Variants in SNX13 observed in about 807,000 individuals in gnomAD.
SNX13 encodes the protein sorting nexin-13.
Under a neutral mutation model 133.6 loss-of-function variants are expected in SNX13, and 45 were observed. The observed-to-expected ratio is 0.34, with a 90% CI of 0.27 to 0.43. The LOEUF is 0.43. Ranked by LOEUF, SNX13 falls within the 20% of genes least tolerant of loss-of-function variation. The pLI, the probability that SNX13 is intolerant of heterozygous loss-of-function variation, is 1.00. For synonymous variants in SNX13, 414 were observed against 373.9 expected, an observed-to-expected ratio of 1.11 and a Z score of -1.24; for missense variants, 1,032 against 1,145.1, an observed-to-expected ratio of 0.90 and a Z score of 1.43.
intron 1 of SNX13, among the ~76,000 whole-genome samples, chr7:17,905,191 T>C (rs979756464): frequency 6.6e-6 from 1 of 152,198 alleles, no homozygotes; most frequent in African/African-American, 2.4e-5. Context: ...TGAAACTAAG[T>C]AATGAGCCTT....
chr7:17,798,847 C>T, intron 23 of SNX13, 89 bp from the exon 24 acceptor site: 1 of 1,233,012 alleles, frequency 8.1e-7, no homozygotes, highest in Non-Finnish European at 1.1e-6. Flanking sequence ...GCAACTTAAT[C>T]TGGATGTAAA....
chr7:17,853,970 AAAAAG>A lies in SNX13; in HGVS notation c.838-3011_838-3007del, dbSNP rs939036383. Among the ~76,000 whole-genome samples, 596 of 152,194 alleles carry A rather than the reference AAAAAG, an allele frequency of 3.9e-3. 4 individuals are homozygous for A. Among genetic ancestry groups the A allele is most frequent in the African/African-American group, 0.013 (543 of 41,550 alleles). On this transcript the variant is annotated intron_variant, in intron 9 of 25. Transcript: ENST00000428135. Reference sequence around the variant, plus strand: ...AAAAATAAAAAAAGAAAAAAAAAGAAAAAAGAAAAGAAAATTGGCAATACACAGAA... The same window carrying A: ...AAAAATAAAAAAAGAAAAAAAAAGAAAAAAGAAAATTGGCAATACACAGAA...
chr7:17,868,175 G>C (rs1793629707), intron 9 of SNX13: 1 of 439,158 alleles, frequency 2.3e-6, no homozygotes, highest in Admixed American at 4.2e-5. Context: ...TAAAGAAATA[G>C]TAGTAGCACC....
At chr7:17,918,800 C>G (rs949878523) in intron 1 of SNX13, among the ~76,000 whole-genome samples, 3 of 152,174 alleles carry the variant, frequency 2.0e-5, no homozygotes, top group African/African-American at 4.8e-5. Flanking sequence ...GTAATCTGCA[C>G]TCATATGTTT....
intron 6 of SNX13, 39 bp from the exon 7 acceptor site, chr7:17,875,620 G>A (rs1324564240): frequency 3.1e-6 from 5 of 1,607,148 alleles, no homozygotes; most frequent in Non-Finnish European, 3.4e-6. Flanking sequence ...AATGATGAAA[G>A]GAAAACAGAT....
intron 7 of SNX13, among the ~76,000 whole-genome samples, chr7:17,874,673 C>T (rs1794505480): frequency 6.6e-6 from 1 of 152,140 alleles, no homozygotes; most frequent in Admixed American, 6.5e-5. Flanking sequence ...ATAGTTGTTC[C>T]TATGCTGACA....
chr7:17,929,991 A>C (rs1226410305), intron 1 of SNX13, among the ~76,000 whole-genome samples: 2 of 152,200 alleles, frequency 1.3e-5, no homozygotes, highest in East Asian at 3.8e-4. Flanking sequence ...ATCAAAGAAC[A>C]CTAAAACAAC....
intron 22 of SNX13, among the ~76,000 whole-genome samples, chr7:17,799,514 T>A (rs142220378): frequency 0.018 from 2,699 of 151,916 alleles, 85 homozygotes; most frequent in African/African-American, 0.062. Flanking sequence ...TTCTGATGCA[T>A]CTTTTTCACA....
At chr7:17,853,378 C>T (rs191385229) in intron 9 of SNX13, among the ~76,000 whole-genome samples, 371 of 152,122 alleles carry the variant, frequency 2.4e-3, no homozygotes, top group Non-Finnish European at 3.6e-3. Context: ...TAATAGACTT[C>T]GGATGTTATC....
intron 2 of SNX13, among the ~76,000 whole-genome samples, chr7:17,896,799 T>C (rs984006772): frequency 6.6e-6 from 1 of 152,096 alleles, no homozygotes. Flanking sequence ...CTGAAACCTC[T>C]CTTGTAAAGG....
chr7:17,909,562 G>A (rs1189809655), intron 1 of SNX13, among the ~76,000 whole-genome samples: 1 of 152,200 alleles, frequency 6.6e-6, no homozygotes, highest in East Asian at 1.9e-4. Flanking sequence ...TCCTTTGTAG[G>A]GACATGGGTC....
At position 17,793,382 on chromosome 7, in the gene SNX13, A is replaced by C. The variant is rs1783731337; in HGVS notation, c.*663T>G. 6.6e-6 allele frequency: 1 copy of C among 151,966 alleles called. No homozygotes were observed. The highest frequency in any genetic ancestry group is 2.4e-5 in the African/African-American group (1 of 41,408). 9.4% of individuals were successfully genotyped at this position (151,966 alleles called of 1,614,324 possible). A position where few individuals can be genotyped will look rare whatever the true frequency, so the allele number is the denominator to read the frequency against. ...GCCCTTAAAGCACACATAAGAATAA[A>C]AATTGTTGTATACCAATGAATAACA... On this transcript the variant is annotated 3_prime_UTR_variant, in exon 26 of 26. Coordinates refer to ENST00000428135, the MANE Select transcript of SNX13 (RefSeq NM_015132.5).
chr7:17,874,356 C>T (rs1794457187), intron 7 of SNX13, among the ~76,000 whole-genome samples: 1 of 152,088 alleles, frequency 6.6e-6, no homozygotes, highest in Non-Finnish European at 1.5e-5. Context: ...ATGTGTTAAT[C>T]AATTGTTTAC....
At chr7:17,845,410 A>G (rs1292638961) in intron 12 of SNX13, among the ~76,000 whole-genome samples, 185 bp downstream of exon 12, 1 of 152,182 alleles carries the variant, frequency 6.6e-6, no homozygotes, top group African/African-American at 2.4e-5. Context: ...TTTAATGAGT[A>G]GAGTTTCAGT....
At chr7:17,868,665 A>G (rs1420215391) in intron 8 of SNX13, among the ~76,000 whole-genome samples, 175 bp from the exon 9 acceptor site, 1 of 152,148 alleles carries the variant, frequency 6.6e-6, no homozygotes, top group Non-Finnish European at 1.5e-5. Context: ...CAGTTTAGAT[A>G]AATGAGATAC....
At chr7:17,919,148 A>G (rs189113669) in intron 1 of SNX13, among the ~76,000 whole-genome samples, 1 of 152,328 alleles carries the variant, frequency 6.6e-6, no homozygotes, top group East Asian at 1.9e-4. Flanking sequence ...TGCTGTGTTC[A>G]CTATTTGGCT....
At chr7:17,888,850 AG>A (rs1796302891) in intron 5 of SNX13, 1 of 398,958 alleles carries the variant, frequency 2.5e-6, no homozygotes, top group Non-Finnish European at 5.0e-6. Context: ...AGAAAAACCA[AG>A]GTTCAGAGTT....
chr7:17,904,058 A>G (rs2128008063), intron 1 of SNX13, among the ~76,000 whole-genome samples: 1 of 152,324 alleles, frequency 6.6e-6, no homozygotes, highest in South Asian at 2.1e-4. Flanking sequence ...TGGCAATGCA[A>G]AAAATCACAT....
Position 17,928,471 on chromosome 7 carries a change from G to A in SNX13, c.12+11813C>T, listed in dbSNP as rs183880949. ...AAATAACAGCTAAGTGATAAAACTGGAGCATGAACTGAGCTTTGGCTTAAA... is the reference window on the plus strand; with the variant it reads ...AAATAACAGCTAAGTGATAAAACTGAAGCATGAACTGAGCTTTGGCTTAAA... On this transcript the variant is annotated intron_variant, in intron 1 of 25. Coordinates refer to ENST00000428135, the MANE Select transcript of SNX13 (RefSeq NM_015132.5). Among the ~76,000 whole-genome samples the A allele has an allele frequency of 3.7e-4, 57 of 152,226 alleles. No individual in the cohort carries two copies. The East Asian group carries it at 8.7e-3, about 23-fold the overall frequency.
Sources: allele counts gnomAD v4.1 joint callset (sites outside exome capture counted in the v4.1 genomes callset), GRCh38; gene constraint gnomAD v4.1.1; transcripts MANE v1.5; gene names NCBI Gene and HGNC (gene_info 2026-07-23, HGNC 2026-07-21).